The following PCF11 variants were observed in gnomAD, a reference collection of about 807,000 sequenced individuals.
PCF11 encodes PCF11 cleavage and polyadenylation factor subunit.
Under a neutral mutation model 166.1 loss-of-function variants are expected in PCF11, and 19 were observed. That is an observed-to-expected ratio of 0.11 (90% CI 0.08 to 0.17). The LOEUF is 0.17. Among genes scored for constraint, PCF11 ranks in the 10% least tolerant of loss-of-function variants. The pLI, the probability that PCF11 is intolerant of heterozygous loss-of-function variation, is 1.00. For synonymous variants in PCF11, 663 were observed against 644.1 expected (o/e 1.03, Z -0.44); for missense variants, 1,565 against 1,855.5 (o/e 0.84, Z 2.88).
exon 13 of PCF11, chr11:83,181,868 T>C (rs1315133399): frequency 6.2e-7 from 1 of 1,608,144 alleles, no homozygotes; most frequent in Non-Finnish European, 8.5e-7. Context: ...GGATAGAATT[T>C]GAGGAGATAG....
At chr11:83,157,490 C>G in exon 1 of PCF11, 4 of 1,613,476 alleles carry the variant, frequency 2.5e-6, no homozygotes, top group Non-Finnish European at 3.4e-6. Context: ...CCCGGGAGGA[C>G]GCCTGTCGGG....
intron 13 of PCF11, 78 bp from the exon 14 acceptor site, chr11:83,182,321 C>T (rs920514732): frequency 1.3e-6 from 1 of 750,758 alleles, no homozygotes; most frequent in Non-Finnish European, 2.3e-6. Flanking sequence ...CTCCACTTAA[C>T]AGTGTTTGTA....
At chr11:83,169,372 G>C in exon 8 of PCF11, 1 of 1,613,818 alleles carries the variant, frequency 6.2e-7, no homozygotes. Flanking sequence ...GGGTCCTTCT[G>C]TACCAGGAGG....
chr11:83,172,518 G>T (rs1860723699), intron 9 of PCF11, among the ~76,000 whole-genome samples: 2 of 152,126 alleles, frequency 1.3e-5, no homozygotes, highest in South Asian at 4.1e-4. Flanking sequence ...TGCCTCCGGG[G>T]TTCAAGCGAT....
chr11:83,166,844 T>A, intron 5 of PCF11, 130 bp downstream of exon 5: 1 of 789,936 alleles, frequency 1.3e-6, no homozygotes, highest in Non-Finnish European at 2.0e-6. Flanking sequence ...TACATCTCTG[T>A]GGGTTAAATA....
intron 15 of PCF11, among the ~76,000 whole-genome samples, chr11:83,183,863 A>G (rs1184606088): frequency 2.6e-5 from 4 of 151,398 alleles, no homozygotes; most frequent in African/African-American, 7.3e-5. Flanking sequence ...AAAAGTTCAA[A>G]TGGTCGGCTG....
rs371638706 is a variant in PCF11 at position 83,175,456 on chromosome 11, A to G, written c.3758-1629A>G. ...CCTAAAATATTGTTTTCATAGTTAA[A>G]GAATCACAATTATGGCCGGGCACTG... On this transcript the variant is annotated intron_variant, in intron 9 of 15. Transcript: ENST00000298281. 1.6e-3 allele frequency among the ~76,000 whole-genome samples: 248 copies of G among 152,098 alleles called. 4 individuals are homozygous for G. Among genetic ancestry groups the G allele is most frequent in the African/African-American group, 5.9e-3 (243 of 41,528 alleles).
chr11:83,166,739 A>C, intron 5 of PCF11, 25 bp downstream of exon 5: 1 of 1,534,904 alleles, frequency 6.5e-7, no homozygotes, highest in East Asian at 2.2e-5. Flanking sequence ...TTTTAAGTCA[A>C]GTGTAGTAGT....
At chr11:83,181,982 A>G (rs1861101453) in exon 13 of PCF11, 1 of 1,612,004 alleles carries the variant, frequency 6.2e-7, no homozygotes, top group African/African-American at 1.3e-5. Flanking sequence ...TCCAAAGTGT[A>G]CCTGCTGGAC....
At chr11:83,161,478 CGTT>C in intron 2 of PCF11, 26 bp downstream of exon 2, 1 of 1,482,662 alleles carries the variant, frequency 6.7e-7, no homozygotes, top group Non-Finnish European at 9.0e-7. Flanking sequence ...GAAACATTTG[CGTT>C]TTTTTTTAAA....
chr11:83,173,178 C>T (rs115360788), intron 9 of PCF11, among the ~76,000 whole-genome samples: 11,470 of 152,176 alleles, frequency 0.075, 573 homozygotes, highest in Non-Finnish European at 0.11. Context: ...GCATATGGGC[C>T]GGGCATGGTG....
chr11:83,172,595 G>T (rs780755472), intron 9 of PCF11, among the ~76,000 whole-genome samples: 1 of 151,984 alleles, frequency 6.6e-6, no homozygotes, highest in African/African-American at 2.4e-5. Context: ...GCTAACTTTT[G>T]TATTTTTACG....
chr11:83,161,274 AATT>A (rs1860242766), intron 1 of PCF11, 50 bp from the exon 2 acceptor site: 13 of 1,451,616 alleles, frequency 9.0e-6, no homozygotes, highest in Non-Finnish European at 1.9e-6. Flanking sequence ...ATTTTTAAAT[AATT>A]ATTTGGTGGT....
chr11:83,177,051 G>C, intron 9 of PCF11, 34 bp from the exon 10 acceptor site: 5 of 1,411,340 alleles, frequency 3.5e-6, no homozygotes, highest in Non-Finnish European at 4.6e-6. Flanking sequence ...CACTTCAAAA[G>C]TGGTTTTTTT....
chr11:83,183,555 A>G (rs1214465710), intron 15 of PCF11, among the ~76,000 whole-genome samples: 1 of 152,042 alleles, frequency 6.6e-6, no homozygotes, highest in Non-Finnish European at 1.5e-5. Flanking sequence ...CAATGGCGCA[A>G]TCTCGGCTCA....
chr11:83,157,648 C>T lies in PCF11; in HGVS notation c.192+17C>T, dbSNP rs369439092. On this transcript the variant is annotated intron_variant, in intron 1 of 15. Coordinates refer to ENST00000298281, the Ensembl canonical transcript of PCF11. The stretch of plus-strand genomic sequence containing the variant: ...ACCGCCAAGGTTTTTATACACCCCG[C>T]AGCCTCCTATTACTTCTAATACTCC... 65 of 1,609,034 alleles carry T rather than the reference C, an allele frequency of 4.0e-5. No individual in the cohort carries two copies. The highest frequency in any genetic ancestry group is 1.0e-4 in the Admixed American group (6 of 60,002).
intron 9 of PCF11, among the ~76,000 whole-genome samples, chr11:83,174,367 CTTTATT>C (rs1196002662): frequency 6.7e-6 from 1 of 148,482 alleles, no homozygotes; most frequent in Non-Finnish European, 1.5e-5. Context: ...CTTCAAAGAC[CTTTATT>C]TTTATTTTTA....
At chr11:83,168,467 T>C in exon 8 of PCF11, 1 of 1,609,712 alleles carries the variant, frequency 6.2e-7, no homozygotes, top group Non-Finnish European at 8.5e-7. Context: ...AATGATCGTT[T>C]TCCACTTAAG....
intron 9 of PCF11, among the ~76,000 whole-genome samples, chr11:83,176,518 G>A (rs1860885678): frequency 1.3e-5 from 2 of 152,170 alleles, no homozygotes; most frequent in Admixed American, 1.3e-4. Flanking sequence ...AAAAAAGGAT[G>A]AGTTCATGTC....
Sources: gnomAD v4.1 joint callset for allele counts (sites outside exome capture counted in the v4.1 genomes callset) on GRCh38, gnomAD v4.1.1 for gene constraint, MANE v1.5 for transcripts, NCBI Gene and HGNC (gene_info 2026-07-23, HGNC 2026-07-21) for gene names.